The following LCORL variants were observed in gnomAD, a reference collection of about 807,000 sequenced individuals.
The protein encoded by LCORL is ligand-dependent nuclear receptor corepressor-like protein.
LCORL carries 41 observed loss-of-function variants against 141.8 expected under a neutral mutation model. The observed-to-expected ratio is 0.29, with a 90% CI of 0.23 to 0.38. The LOEUF is 0.38. LCORL is among the 10% of genes least tolerant of loss of function. The probability of loss-of-function intolerance (pLI) is 1.00; values close to 1 mark genes in which losing one functional copy is unlikely to be tolerated. For missense variants in LCORL, 1,759 were observed against 2,035.0 expected (o/e 0.86, Z 2.61); for synonymous variants, 618 against 694.1 (o/e 0.89, Z 1.72).
intron 4 of LCORL, among the ~76,000 whole-genome samples, chr4:17,928,798 CT>C (rs972626994): frequency 5.3e-5 from 8 of 152,200 alleles, no homozygotes; most frequent in African/African-American, 1.9e-4. Context: ...GCAAAACTCT[CT>C]TTTTATAGAA....
intron 5 of LCORL, among the ~76,000 whole-genome samples, chr4:17,901,411 A>G (rs1339304549): frequency 1.3e-5 from 2 of 152,042 alleles, no homozygotes; most frequent in African/African-American, 4.8e-5. Flanking sequence ...CAAAATCCTG[A>G]GAGTTTACTA....
chr4:17,997,704 C>G (rs1325950113), intron 1 of LCORL, among the ~76,000 whole-genome samples: 1 of 151,942 alleles, frequency 6.6e-6, no homozygotes, highest in African/African-American at 2.4e-5. Flanking sequence ...CATCTGAGAT[C>G]AGCAAGAATA....
intron 5 of LCORL, among the ~76,000 whole-genome samples, chr4:17,898,878 A>G (rs187659253): frequency 6.6e-6 from 1 of 152,294 alleles, no homozygotes; most frequent in Admixed American, 6.5e-5. Context: ...AAACGCTTAT[A>G]AAATGTAAGA....
chr4:17,868,956 C>T (rs1726006161), intron 7 of LCORL, among the ~76,000 whole-genome samples: 1 of 151,984 alleles, frequency 6.6e-6, no homozygotes, highest in African/African-American at 2.4e-5. Flanking sequence ...CTCTTGATTA[C>T]CTCTTGATTC....
At chr4:17,856,862 T>C (rs774518721) in intron 7 of LCORL, among the ~76,000 whole-genome samples, 1 of 152,140 alleles carries the variant, frequency 6.6e-6, no homozygotes, top group Non-Finnish European at 1.5e-5. Flanking sequence ...CAACCTAAAG[T>C]AGCTCCCCCT....
intron 7 of LCORL, among the ~76,000 whole-genome samples, chr4:17,862,247 C>T (rs908606827): frequency 2.0e-5 from 3 of 152,188 alleles, no homozygotes; most frequent in Non-Finnish European, 4.4e-5. Flanking sequence ...GGAAGCCTCA[C>T]AATCATGGCA....
chr4:17,842,100 G>T, exon 8 of LCORL: 1 of 489,078 alleles, frequency 2.0e-6, no homozygotes. Flanking sequence ...CATTATTAGT[G>T]CTTACAAAAT....
chr4:17,915,415 T>C (rs1053023521), intron 4 of LCORL, among the ~76,000 whole-genome samples: 82 of 152,242 alleles, frequency 5.4e-4, no homozygotes, highest in African/African-American at 1.9e-3. Flanking sequence ...TAAATGTCTG[T>C]TGTTTGAAAC....
chr4:17,973,217 A>G (rs1042883417), intron 1 of LCORL, among the ~76,000 whole-genome samples: 1 of 151,902 alleles, frequency 6.6e-6, no homozygotes, highest in African/African-American at 2.4e-5. Context: ...AAGAATAATT[A>G]GAAGACACAT....
intron 1 of LCORL, among the ~76,000 whole-genome samples, chr4:18,015,826 A>G (rs1724544446): frequency 6.6e-6 from 1 of 150,976 alleles, no homozygotes; most frequent in South Asian, 2.1e-4. Flanking sequence ...GAGAGTAGAT[A>G]CCGACAAAAA....
At chr4:17,949,766 T>C (rs1739435259) in intron 4 of LCORL, among the ~76,000 whole-genome samples, 1 of 152,132 alleles carries the variant, frequency 6.6e-6, no homozygotes, top group Admixed American at 6.6e-5. Flanking sequence ...GTACCTCAGC[T>C]GAAGAAGGCA....
intron 5 of LCORL, among the ~76,000 whole-genome samples, chr4:17,895,444 C>A (rs1729776463): frequency 6.6e-6 from 1 of 152,100 alleles, no homozygotes. Context: ...TTTCATTTTA[C>A]TTAATGTCCT....
chr4:17,962,019 G>A, exon 4 of LCORL: 2 of 1,604,688 alleles, frequency 1.2e-6, no homozygotes, highest in Non-Finnish European at 1.7e-6. Context: ...AGAATCAAGA[G>A]ATGGTATACA....
chr4:17,845,983 A>C, intron 7 of LCORL, 82 bp from the exon 8 acceptor site: 2 of 1,196,604 alleles, frequency 1.7e-6, no homozygotes, highest in Non-Finnish European at 2.4e-6. Context: ...ATTTAGTTGT[A>C]GTAGTGTTTG....
At chr4:17,946,113 A>AT (rs1371599705) in intron 4 of LCORL, among the ~76,000 whole-genome samples, 1 of 152,022 alleles carries the variant, frequency 6.6e-6, no homozygotes, top group African/African-American at 2.4e-5. Context: ...ATCAGTTCTC[A>AT]TAACAAAACA....
At chr4:17,842,558 C>T (rs930566089) in exon 8 of LCORL, 15 of 553,078 alleles carry the variant, frequency 2.7e-5, no homozygotes, top group African/African-American at 1.3e-4. Context: ...TGACTTCTTA[C>T]GGCGTGTTTG....
At chr4:17,926,405 C>T (rs1034808851) in intron 4 of LCORL, among the ~76,000 whole-genome samples, 19 of 152,308 alleles carry the variant, frequency 1.2e-4, no homozygotes, top group African/African-American at 3.6e-4. Context: ...TCTCGCCTTC[C>T]TCTTTCTCCT....
chr4:17,904,893 CA>C (rs887192422), intron 5 of LCORL, among the ~76,000 whole-genome samples: 6 of 152,136 alleles, frequency 3.9e-5, no homozygotes, highest in African/African-American at 1.4e-4. Flanking sequence ...CCACATTTAA[CA>C]ACAAATCCTG....
chr4:17,982,136 GTGTGTGTGTA>G (rs1718109089), intron 1 of LCORL, among the ~76,000 whole-genome samples: 1 of 148,954 alleles, frequency 6.7e-6, no homozygotes, highest in African/African-American at 2.5e-5. Context: ...GTGTGTGTGT[GTGTGTGTGTA>G]TACAAGATAT....
Sources: allele counts gnomAD v4.1 joint callset (sites outside exome capture counted in the v4.1 genomes callset), GRCh38; gene constraint gnomAD v4.1.1; transcripts MANE v1.5; gene names NCBI Gene and HGNC (gene_info 2026-07-23, HGNC 2026-07-21).